The following LRRC66 variants were observed in gnomAD, a reference collection of about 807,000 sequenced individuals.
The protein encoded by LRRC66 is leucine rich repeat containing 66.
In LRRC66, 29 loss-of-function variants were observed where a neutral mutation model predicts 24.6. That is an observed-to-expected ratio of 1.18 (90% confidence interval 0.88 to 1.61). The LOEUF is 1.61. Ranked by LOEUF, LRRC66 falls within the 40% of genes most tolerant of loss-of-function variation. The probability of loss-of-function intolerance (pLI) is 0.00; values close to 1 mark genes in which losing one functional copy is unlikely to be tolerated. For synonymous variants in LRRC66, 411 were observed against 397.6 expected (o/e 1.03, Z -0.40); for missense variants, 1,124 against 1,058.0 (o/e 1.06, Z -0.87).
rs765120753 is a variant in LRRC66, at chr4:52,017,414, AC to A, written c.199del (p.Val67Ter). The A allele has an allele frequency of 6.2e-7, 1 of 1,614,166 alleles. No homozygotes were observed. ...GAGAACTCTAAAGAAATTGAAACTT[AC>A]ATCCACAGTGGCTGCTGTCTGTGAT... ...DISQTAATVD[V>X]SFNFFRVLLQ... On this transcript the variant is annotated frameshift_variant, in exon 2 of 5. Coordinates refer to ENST00000682860, the MANE Select transcript of LRRC66 (RefSeq NM_001024611.3). LOFTEE classifies it high-confidence loss of function.
At chr4:51,998,752 G>A (rs757826634) in intron 3 of LRRC66, among the ~76,000 whole-genome samples, 2 of 152,154 alleles carry the variant, frequency 1.3e-5, no homozygotes, top group Non-Finnish European at 2.9e-5. Flanking sequence ...ACATAGCAGG[G>A]GAAAGCACAG....
At chr4:52,007,093 CTTAG>C (rs917068057) in intron 2 of LRRC66, among the ~76,000 whole-genome samples, 9 of 152,126 alleles carry the variant, frequency 5.9e-5, no homozygotes, top group African/African-American at 1.4e-4. Context: ...TTGGGAGTTG[CTTAG>C]TTAATCTGCT....
intron 2 of LRRC66, among the ~76,000 whole-genome samples, chr4:52,014,613 C>G (rs1041115272): frequency 6.6e-6 from 1 of 152,210 alleles, no homozygotes; most frequent in Non-Finnish European, 1.5e-5. Flanking sequence ...CTCTCACCAG[C>G]AGTTCCCCTC....
rs550823746 is a variant in LRRC66 at position 51,994,216 on chromosome 4, C to T, written c.*163G>A. ...GCTTATAACCCTTCTAGAATCATCGCCCTCAAGTGGGCCCACAAAACCCTC... is the reference window on the plus strand; with the variant it reads ...GCTTATAACCCTTCTAGAATCATCGTCCTCAAGTGGGCCCACAAAACCCTC... On this transcript the variant is annotated 3_prime_UTR_variant, in exon 5 of 5. Transcript: ENST00000682860. The T allele has an allele frequency of 4.8e-5, 31 of 650,520 alleles. No individual in the cohort carries two copies. The highest frequency in any genetic ancestry group is 4.2e-4 in the Middle Eastern group (1 of 2,402). 40.3% of individuals were successfully genotyped at this position (650,520 alleles called of 1,614,324 possible).
chr4:52,018,594 T>A (rs1736871966), intron 1 of LRRC66: 8 of 985,386 alleles, frequency 8.1e-6, no homozygotes, highest in Non-Finnish European at 9.6e-6. Context: ...TTTCCTTCTT[T>A]GTGATCCATC....
At chr4:52,008,121 T>C (rs866315727) in intron 2 of LRRC66, among the ~76,000 whole-genome samples, 4 of 152,118 alleles carry the variant, frequency 2.6e-5, no homozygotes, top group Non-Finnish European at 4.4e-5. Context: ...GCTGCTAGGA[T>C]GAAGATGAGG....
intron 3 of LRRC66, among the ~76,000 whole-genome samples, chr4:52,000,856 G>A (rs1736431443): frequency 6.6e-6 from 1 of 152,176 alleles, no homozygotes; most frequent in African/African-American, 2.4e-5. Flanking sequence ...TTAAGTGGAG[G>A]CCCCAGGTAA....
At chr4:52,018,422 C>T in intron 1 of LRRC66, 3 of 985,302 alleles carry the variant, frequency 3.0e-6, no homozygotes, top group Non-Finnish European at 3.6e-6. Flanking sequence ...CTAAATTCCA[C>T]TTAAAAGCCA....
intron 2 of LRRC66, among the ~76,000 whole-genome samples, chr4:52,010,761 G>T (rs886737224): frequency 6.6e-5 from 10 of 152,240 alleles, no homozygotes; most frequent in African/African-American, 2.4e-4. Flanking sequence ...GTGCTGTGAT[G>T]AACATATGAG....
intron 1 of LRRC66, among the ~76,000 whole-genome samples, chr4:52,019,132 C>T (rs1736887045): frequency 6.6e-6 from 1 of 152,218 alleles, no homozygotes; most frequent in Non-Finnish European, 1.5e-5. Context: ...ACCTTGGCCT[C>T]CCAAAGTGCT....
In LRRC66 at chr4:51,995,420, G is replaced by T; in HGVS notation, c.1602C>A (p.Leu534=). The T allele has an allele frequency of 4.3e-6, 7 of 1,614,142 alleles. No homozygotes were observed. Among genetic ancestry groups the T allele is most frequent in the Non-Finnish European group, 5.9e-6 (7 of 1,180,038 alleles). The change falls in exon 5 of 5, where the codon CTC becomes CTA. Residue 534 remains leucine (L), a synonymous_variant. Transcript: ENST00000682860. ...CCACAGTTTCATAAGTCCATTCTCC[G>T]AGAATATCATTCCTATGGATGTGGT... ...AQDHIHRNDI[L]GEWTYETVAQ... is the part of the protein sequence containing the mutation.
At chr4:52,020,110 T>G (rs941184323) in intron 1 of LRRC66, among the ~76,000 whole-genome samples, 194 bp downstream of exon 1, 1 of 152,026 alleles carries the variant, frequency 6.6e-6, no homozygotes, top group African/African-American at 2.4e-5. Context: ...TTAGAAATAC[T>G]GGGTGTGTAC....
Position 51,995,144 on chromosome 4 carries a change from CACTT to C in LRRC66, c.1874_1877del (p.Gln625ArgfsTer8). ...TGCTCAGCAAATCAATGGATGAACTCACTTGCCTTTCCTTAGAAAATTCCATCTG... is the reference window on the plus strand; with the variant it reads ...TGCTCAGCAAATCAATGGATGAACTCGCCTTTCCTTAGAAAATTCCATCTG... On this transcript the variant is annotated frameshift_variant, in exon 5 of 5. Transcript: ENST00000682860. LOFTEE classifies it low-confidence loss of function (END_TRUNC). 6.2e-7 allele frequency: 1 copy of C among 1,614,242 alleles called. No individual in the cohort carries two copies. The highest frequency in any genetic ancestry group is 8.5e-7 in the Non-Finnish European group (1 of 1,180,044).
chr4:52,015,398 A>C (rs1736786432), intron 2 of LRRC66, among the ~76,000 whole-genome samples: 1 of 152,152 alleles, frequency 6.6e-6, no homozygotes, highest in South Asian at 2.1e-4. Context: ...TCTGGGTAGC[A>C]GGGGTAAGGA....
intron 3 of LRRC66, among the ~76,000 whole-genome samples, chr4:52,001,187 G>A (rs1040386457): frequency 5.3e-5 from 8 of 152,216 alleles, no homozygotes; most frequent in Admixed American, 1.3e-4. Context: ...GCTGGGATAA[G>A]TGCAATGAGA....
intron 2 of LRRC66, among the ~76,000 whole-genome samples, chr4:52,012,964 C>A (rs1320299223): frequency 1.3e-5 from 2 of 152,210 alleles, no homozygotes; most frequent in East Asian, 1.9e-4. Context: ...TAACATAAAA[C>A]AATATTCAGG....
At chr4:52,000,407 G>A (rs1330031085) in intron 3 of LRRC66, among the ~76,000 whole-genome samples, 1 of 152,094 alleles carries the variant, frequency 6.6e-6, no homozygotes, top group Non-Finnish European at 1.5e-5. Flanking sequence ...CATGACTACT[G>A]TAGCAGACAG....
At chr4:52,004,410 T>C (rs976081390) in intron 2 of LRRC66, among the ~76,000 whole-genome samples, 3 of 152,258 alleles carry the variant, frequency 2.0e-5, no homozygotes, top group African/African-American at 4.8e-5. Context: ...TAGTAAGTTA[T>C]AGCTAGATTT....
Position 51,994,989 on chromosome 4 carries a change from T to A in LRRC66, c.2033A>T (p.Asp678Val). Reference sequence around the variant, plus strand: ...TGGTTCCTTGTTAGCAGGAGTGACATCCAGGCCACTGTCCCATCTTGGAGG... The same window carrying A: ...TGGTTCCTTGTTAGCAGGAGTGACAACCAGGCCACTGTCCCATCTTGGAGG... ...VFPPRWDSGLDVTPANKEPVQ... is the reference protein window; with the variant it reads ...VFPPRWDSGLVVTPANKEPVQ... Residue 678 changes from aspartate (D) to valine (V), a missense_variant, in exon 5 of 5, where the codon GAT (aspartate) becomes GTT (valine). Coordinates refer to ENST00000682860, the MANE Select transcript of LRRC66 (RefSeq NM_001024611.3). 2 of 1,614,126 alleles carry A rather than the reference T, an allele frequency of 1.2e-6. No homozygotes were observed. The highest frequency in any genetic ancestry group is 2.2e-5 in the South Asian group (2 of 91,082).
Sources: allele counts gnomAD v4.1 joint callset (sites outside exome capture counted in the v4.1 genomes callset), GRCh38; gene constraint gnomAD v4.1.1; transcripts MANE v1.5; gene names NCBI Gene and HGNC (gene_info 2026-07-23, HGNC 2026-07-21).